Variants in CTNNA3 observed in about 807,000 individuals in gnomAD.
The protein encoded by CTNNA3 is catenin alpha 3.
In CTNNA3, 76 loss-of-function variants were observed where a neutral mutation model predicts 95.7. The observed-to-expected ratio is 0.79, with a 90% CI of 0.66 to 0.96. The LOEUF (loss-of-function observed/expected upper bound fraction) is 0.96, where lower values mean the gene tolerates loss of function less well. Among genes scored for constraint, CTNNA3 ranks in the 40% least tolerant of loss-of-function variants. CTNNA3 has a pLI of 0.00. For synonymous variants in CTNNA3, 431 were observed against 374.4 expected (o/e 1.15, Z -1.74); for missense variants, 1,191 against 1,089.8 (o/e 1.09, Z -1.31).
intron 5 of CTNNA3, among the ~76,000 whole-genome samples, chr10:67,475,129 A>T (rs1480271182): frequency 6.6e-6 from 1 of 152,236 alleles, no homozygotes; most frequent in African/African-American, 2.4e-5. Context: ...AACTGGATGA[A>T]TCCTAAACGC....
chr10:66,361,967 T>A (rs560401664), intron 12 of CTNNA3, among the ~76,000 whole-genome samples: 1 of 152,178 alleles, frequency 6.6e-6, no homozygotes, highest in Admixed American at 6.5e-5. Flanking sequence ...TACTTTTGAG[T>A]GAAACTTTAT....
At chr10:66,044,571 A>G (rs181473351) in intron 15 of CTNNA3, among the ~76,000 whole-genome samples, 2 of 152,188 alleles carry the variant, frequency 1.3e-5, no homozygotes, top group Non-Finnish European at 2.9e-5. Context: ...ATCTATGATG[A>G]CTATTCTATG....
chr10:66,553,913 G>A (rs1057321552), intron 10 of CTNNA3, among the ~76,000 whole-genome samples: 14 of 151,896 alleles, frequency 9.2e-5, no homozygotes, highest in African/African-American at 3.4e-4. Context: ...TGAATTATAG[G>A]CTATTTTTGT....
At chr10:66,717,455 T>C (rs1188596846) in intron 9 of CTNNA3, among the ~76,000 whole-genome samples, 2 of 152,180 alleles carry the variant, frequency 1.3e-5, no homozygotes, top group Non-Finnish European at 2.9e-5. Flanking sequence ...TATTCTAGAC[T>C]GGAAGTTCCT....
chr10:66,730,956 A>C (rs1848941159), intron 9 of CTNNA3, among the ~76,000 whole-genome samples: 1 of 152,234 alleles, frequency 6.6e-6, no homozygotes, highest in Non-Finnish European at 1.5e-5. Flanking sequence ...AGGAAAGTAC[A>C]AAGTGATTGT....
chr10:66,193,407 A>G (rs1417062184), intron 13 of CTNNA3, among the ~76,000 whole-genome samples: 1 of 152,166 alleles, frequency 6.6e-6, no homozygotes, highest in African/African-American at 2.4e-5. Context: ...AGGAAAGATC[A>G]AGCAAGGCAA....
intron 7 of CTNNA3, among the ~76,000 whole-genome samples, chr10:66,945,935 A>AC (rs1848248366): frequency 1.3e-5 from 2 of 152,094 alleles, no homozygotes; most frequent in African/African-American, 4.8e-5. Context: ...AGTTTGAAGG[A>AC]CCCCAAAACA....
chr10:66,036,452 C>T (rs1184571302), intron 15 of CTNNA3, among the ~76,000 whole-genome samples: 1 of 152,184 alleles, frequency 6.6e-6, no homozygotes, highest in Admixed American at 6.5e-5. Flanking sequence ...CGGCTCACTG[C>T]AGCCTCTGTC....
intron 13 of CTNNA3, among the ~76,000 whole-genome samples, chr10:66,137,856 C>T (rs183121583): frequency 1.8e-4 from 27 of 151,940 alleles, no homozygotes; most frequent in African/African-American, 5.3e-4. Context: ...AGGCTAATGT[C>T]GGGGGATGGC....
rs117732562 is a variant in CTNNA3 at position 66,313,484 on chromosome 10, C to T, written c.1733-32863G>A. Among the ~76,000 whole-genome samples the T allele has an allele frequency of 9.8e-5, 15 of 152,302 alleles. No homozygotes were observed. In the East Asian group the frequency reaches 1.5e-3, roughly 16 times the overall value. On this transcript the variant is annotated intron_variant, in intron 12 of 17. Coordinates refer to ENST00000433211, the MANE Select transcript of CTNNA3 (RefSeq NM_013266.4). ...GAGATAAAACACTGTGTTCCCAAGG[C>T]GTTTGCTGCTGTTGATCCTCTGCCT...
chr10:67,344,887 G>T (rs1327917809), intron 5 of CTNNA3, among the ~76,000 whole-genome samples: 1 of 151,104 alleles, frequency 6.6e-6, no homozygotes, highest in African/African-American at 2.4e-5. Context: ...CTAATGTGGG[G>T]TTTGCATTTT....
chr10:66,306,097 A>G (rs2091929839), intron 12 of CTNNA3, among the ~76,000 whole-genome samples: 1 of 152,192 alleles, frequency 6.6e-6, no homozygotes, highest in African/African-American at 2.4e-5. Flanking sequence ...ACATACCTAA[A>G]GGGTTAGAAA....
intron 1 of CTNNA3, among the ~76,000 whole-genome samples, chr10:67,738,873 G>C (rs1454728817): frequency 6.6e-6 from 1 of 152,140 alleles, no homozygotes; most frequent in African/African-American, 2.4e-5. Context: ...GAAATGAAGT[G>C]AGAAGAGAAG....
At chr10:66,967,566 A>T (rs764640664) in intron 7 of CTNNA3, among the ~76,000 whole-genome samples, 7 of 152,058 alleles carry the variant, frequency 4.6e-5, no homozygotes, top group Non-Finnish European at 8.8e-5. Flanking sequence ...ACCTTTAAGC[A>T]GTATGCAAAT....
chr10:66,478,532 C>T (rs1041728205), intron 11 of CTNNA3, among the ~76,000 whole-genome samples: 2 of 151,628 alleles, frequency 1.3e-5, no homozygotes, highest in East Asian at 1.9e-4. Flanking sequence ...CATATGTAAA[C>T]AAATTTCACT....
rs16924063 is a variant in CTNNA3, at chr10:67,116,902, T to C, written c.1047+63415A>G. Among the ~76,000 whole-genome samples, 1,587 of 151,846 alleles carry C rather than the reference T, an allele frequency of 0.01. 73 individuals carry two copies. In the East Asian group the frequency reaches 0.14, roughly 13 times the overall value. On this transcript the variant is annotated intron_variant, in intron 7 of 17. Coordinates refer to ENST00000433211, the MANE Select transcript of CTNNA3 (RefSeq NM_013266.4). ...TTGAGTCTACTAAACAGTGTGCTTC[T>C]AGATTTATTCATGCATTCAATAATA...
intron 5 of CTNNA3, among the ~76,000 whole-genome samples, chr10:67,475,049 A>G (rs1205604852): frequency 3.3e-5 from 5 of 152,334 alleles, no homozygotes; most frequent in African/African-American, 7.2e-5. Context: ...AATGAATAGA[A>G]AAGCAAATTG....
chr10:67,439,848 A>T (rs1159107332), intron 5 of CTNNA3, among the ~76,000 whole-genome samples: 3 of 152,166 alleles, frequency 2.0e-5, no homozygotes, highest in African/African-American at 7.2e-5. Flanking sequence ...GTAATATGCC[A>T]TGGGCCTTGG....
At chr10:67,245,703 C>A (rs1865878307) in intron 5 of CTNNA3, among the ~76,000 whole-genome samples, 1 of 151,848 alleles carries the variant, frequency 6.6e-6, no homozygotes, top group South Asian at 2.1e-4. Flanking sequence ...ACTAAAAATA[C>A]AAAAATTAGC....
Sources: gnomAD v4.1 joint callset for allele counts (sites outside exome capture counted in the v4.1 genomes callset) on GRCh38, gnomAD v4.1.1 for gene constraint, MANE v1.5 for transcripts, NCBI Gene and HGNC (gene_info 2026-07-23, HGNC 2026-07-21) for gene names.